Variants in IFFO1 observed in about 807,000 individuals in gnomAD.
The protein encoded by IFFO1 is intermediate filament family orphan 1, also known as non-homologous end joining factor IFFO1.
A neutral mutation model predicts 59.6 loss-of-function variants in IFFO1; 42 were observed. That is an observed-to-expected ratio of 0.70 (90% CI 0.55 to 0.91). The LOEUF is 0.91. Among genes scored for constraint, IFFO1 ranks in the 40% least tolerant of loss-of-function variants. The pLI, the probability that IFFO1 is intolerant of heterozygous loss-of-function variation, is 0.00. For synonymous variants in IFFO1, 336 were observed against 342.8 expected (o/e 0.98, Z 0.22); for missense variants, 711 against 793.2 (o/e 0.90, Z 1.24).
rs1947106592 is a variant in IFFO1, at chr12:6,548,952, G to A, written c.1081-103C>T. On this transcript the variant is annotated intron_variant, in intron 5 of 9. Coordinates refer to ENST00000619571, the MANE Select transcript of IFFO1 (RefSeq NM_001193457.2). The surrounding 1 kb of genome is among the most constrained non-coding windows in gnomAD (Gnocchi z 6.1). ...AAGCATGAACCAGTAGGAAGGGGGG[G>A]CAGACAGAGAGAAAAGTCACAGTTA... is the stretch of plus-strand genomic sequence containing the variant. 5 of 924,542 alleles carry A rather than the reference G, an allele frequency of 5.4e-6. No individual in the cohort carries two copies. Among genetic ancestry groups the A allele is most frequent in the Middle Eastern group, 2.2e-4 (1 of 4,568 alleles). 57.3% of individuals were successfully genotyped at this position (924,542 alleles called of 1,614,324 possible).
Position 6,540,390 on chromosome 12 carries a change from G to C in IFFO1, c.*93C>G. On this transcript the variant is annotated 3_prime_UTR_variant, in exon 10 of 10. Transcript: ENST00000619571. ...TCCCCAGGGACCGGCCTGGTGCAGA[G>C]CTGCAGCTGATGTTCCCCTCTGTGC... is the stretch of plus-strand genomic sequence containing the variant. 1.9e-6 allele frequency: 2 copies of C among 1,043,062 alleles called. No individual in the cohort carries two copies. Among genetic ancestry groups the C allele is most frequent in the Non-Finnish European group, 3.0e-6 (2 of 665,116 alleles). The allele number at this position is 1,043,062 out of a possible 1,614,324, so 64.6% of individuals were successfully genotyped here. A position where few individuals can be genotyped will look rare whatever the true frequency, so the allele number is the denominator to read the frequency against.
Position 6,555,688 on chromosome 12 carries a change from C to G in IFFO1, c.342G>C (p.Gln114His), listed in dbSNP as rs1249209644. ...CGCGACGACCCAGGCCCCGCCGGCC[C>G]TGCTTACCCTCCTCCAGCGCTTGCT... is the stretch of plus-strand genomic sequence containing the variant. ...QLQQALEEGK[Q>H]GRRGLGRRDQ... is the part of the protein sequence containing the mutation. Residue 114 changes from glutamine (Q) to histidine (H), a missense_variant, in exon 1 of 10, where the codon CAG becomes CAC. Physicochemically the swap from Gln to His is conservative, Grantham distance 24. Around this residue, in one of 3 missense-constraint regions of IFFO1, gnomAD observed 579 missense variants for 650.3 expected, o/e 0.89. Coordinates refer to ENST00000619571, the MANE Select transcript of IFFO1 (RefSeq NM_001193457.2). The surrounding 1 kb of genome is among the most constrained non-coding windows in gnomAD (Gnocchi z 8.6). The G allele has an allele frequency of 6.2e-7, 1 of 1,610,708 alleles. No individual in the cohort carries two copies. Among genetic ancestry groups the G allele is most frequent in the East Asian group, 2.2e-5 (1 of 44,654 alleles).
In IFFO1 at chr12:6,548,487, T is replaced by TCTC; in HGVS notation, c.1318_1320dup (p.Glu440dup). 1 of 1,613,644 alleles carries TCTC rather than the reference T, an allele frequency of 6.2e-7. No homozygotes were observed. Among genetic ancestry groups the TCTC allele is most frequent in the Non-Finnish European group, 8.5e-7 (1 of 1,179,838 alleles). On this transcript the variant is annotated inframe_insertion, in exon 7 of 10. Transcript: ENST00000619571. The surrounding 1 kb of genome is among the most constrained non-coding windows in gnomAD (Gnocchi z 6.1). ...GAGAAATCCTCCCAAAGCAGCAGGG[T>TCTC]CTCCTCAGTCTCCTCCCAAGTCAGG...
rs572065289 is a variant in IFFO1, at chr12:6,553,211, C to T, written c.773+2046G>A. On this transcript the variant is annotated intron_variant, in intron 1 of 9. Coordinates refer to ENST00000619571, the MANE Select transcript of IFFO1 (RefSeq NM_001193457.2). ...GTCACTGCCAGTATCACGCACCATC[C>T]GAATCCAGCTAAGGCTCTCTACACA... is the stretch of plus-strand genomic sequence containing the variant. 6.6e-5 allele frequency among the ~76,000 whole-genome samples: 10 copies of T among 152,236 alleles called. No individual in the cohort carries two copies. The South Asian group carries it at 1.0e-3, about 16-fold the overall frequency.
intron 3 of IFFO1, 136 bp downstream of exon 3, chr12:6,550,559 G>C (rs1004261507): frequency 4.7e-6 from 3 of 640,022 alleles, no homozygotes; most frequent in Non-Finnish European, 8.3e-6. Flanking sequence ...GGGGTGGCTA[G>C]GGGAAAAAGG....
chr12:6,552,624 G>T (rs1947279218), intron 1 of IFFO1, among the ~76,000 whole-genome samples: 1 of 152,200 alleles, frequency 6.6e-6, no homozygotes, highest in African/African-American at 2.4e-5. Flanking sequence ...AGCCTGTCAA[G>T]GGCACGCTAA....
intron 8 of IFFO1, among the ~76,000 whole-genome samples, chr12:6,544,346 T>C (rs1041465282): frequency 1.3e-5 from 2 of 151,988 alleles, no homozygotes; most frequent in Non-Finnish European, 2.9e-5. Context: ...TTTGTATTTT[T>C]AGTAGAGACG....
rs755139189 is a variant in IFFO1 at position 6,555,965 on chromosome 12, G to A, written c.65C>T (p.Pro22Leu). ...GTCGCCTCCCAGTGAGTCCCCCAGT[G>A]GCCCGGCCAGGCCCTGCTGCTCCTG... is the stretch of plus-strand genomic sequence containing the variant. ...LQQEQQGLAG[P>L]LGDSLGGDHF... Residue 22 changes from proline to leucine, a missense_variant, in exon 1 of 10, where the codon CCA becomes CTA. Coordinates refer to ENST00000619571, the MANE Select transcript of IFFO1 (RefSeq NM_001193457.2). This position sits in a 1 kb window ranked among gnomAD's most constrained non-coding sequence, Gnocchi z 8.6. 10 of 1,565,840 alleles carry A rather than the reference G, an allele frequency of 6.4e-6. No homozygotes were observed. The Admixed American group carries it at 7.2e-5, about 11-fold the overall frequency.
chr12:6,545,461 C>T lies in IFFO1; in HGVS notation c.1479+2604G>A, dbSNP rs367913455. Among the ~76,000 whole-genome samples, 9 of 152,130 alleles carry T rather than the reference C, an allele frequency of 5.9e-5. No homozygotes were observed. The East Asian group carries it at 7.8e-4, about 13-fold the overall frequency. On this transcript the variant is annotated intron_variant, in intron 8 of 9. Transcript: ENST00000619571. ...CTATAATCCCAGCACTTTGGGAGGCCGAGGTGGGCGGATCATGAGGTCAGG... is the reference window on the plus strand; with the variant it reads ...CTATAATCCCAGCACTTTGGGAGGCTGAGGTGGGCGGATCATGAGGTCAGG...
chr12:6,548,299 A>G lies in IFFO1; in HGVS notation c.1383+126T>C. On this transcript the variant is annotated intron_variant, in intron 7 of 9. Transcript: ENST00000619571. The surrounding 1 kb of genome is among the most constrained non-coding windows in gnomAD (Gnocchi z 6.1). ...AGAAAGAAAAGCAAAAGGATAAAGG[A>G]AGAGGGGAGACGCAGGTAGAGGATG... The G allele has an allele frequency of 7.7e-7, 1 of 1,300,908 alleles. No homozygotes were observed. Among genetic ancestry groups the G allele is most frequent in the Non-Finnish European group, 1.1e-6 (1 of 912,534 alleles). 80.6% of individuals were successfully genotyped at this position (1,300,908 alleles called of 1,614,324 possible).
chr12:6,541,037 AG>A lies in IFFO1; in HGVS notation c.1611-450del, dbSNP rs1414019553. 2.0e-5 allele frequency among the ~76,000 whole-genome samples: 3 copies of A among 150,544 alleles called. No homozygotes were observed. Among genetic ancestry groups the A allele is most frequent in the Non-Finnish European group, 3.0e-5 (2 of 67,584 alleles). On this transcript the variant is annotated intron_variant, in intron 9 of 9. Coordinates refer to ENST00000619571, the MANE Select transcript of IFFO1 (RefSeq NM_001193457.2). The surrounding 1 kb of genome is among the most constrained non-coding windows in gnomAD (Gnocchi z 4.8). ...GTAGTGAGCCAAAAAAAAAAAAAAA[AG>A]AAATAGCTGAAGTCACAGTAGGAGA...
intron 8 of IFFO1, chr12:6,543,501 A>T (rs1246611099): frequency 6.5e-6 from 1 of 153,492 alleles, no homozygotes; most frequent in Non-Finnish European, 1.4e-5. Context: ...CGAGGGATCT[A>T]GGCTGTGTGC....
At position 6,550,761 on chromosome 12, in the gene IFFO1, C is replaced by A. The variant is rs759231295; in HGVS notation, c.864G>T (p.Glu288Asp). 1 of 1,614,190 alleles carries A rather than the reference C, an allele frequency of 6.2e-7. No individual in the cohort carries two copies. Among genetic ancestry groups the A allele is most frequent in the Non-Finnish European group, 8.5e-7 (1 of 1,179,992 alleles). ...EEAQEADACQ[E>D]ELALKVEQLK... ...ACTGTTCCACCTTCAGTGCCAGCTC[C>A]TCCTGGCAGGCATCAGCCTCCTGGG... The change falls in exon 3 of 10, where the codon GAG (glutamate) becomes GAT (aspartate). Residue 288 changes from glutamate to aspartate, a missense_variant. Coordinates refer to ENST00000619571, the MANE Select transcript of IFFO1 (RefSeq NM_001193457.2).
intron 1 of IFFO1, 43 bp from the exon 2 acceptor site, chr12:6,551,044 C>A: frequency 6.3e-7 from 1 of 1,596,232 alleles, no homozygotes; most frequent in South Asian, 1.1e-5. Flanking sequence ...GGTACAGAGT[C>A]CTTCCCTGCC....
At chr12:6,552,935 T>C (rs1394225701) in intron 1 of IFFO1, among the ~76,000 whole-genome samples, 1 of 152,112 alleles carries the variant, frequency 6.6e-6, no homozygotes, top group African/African-American at 2.4e-5. Context: ...ATGGACCAAA[T>C]ATCTCTCTTC....
At position 6,548,681 on chromosome 12, in the gene IFFO1, T is replaced by C; in HGVS notation, c.1249A>G (p.Met417Val). Residue 417 changes from methionine (M) to valine (V), a missense_variant, in exon 6 of 10, where the codon ATG (methionine) becomes GTG (valine). By Grantham distance (21) the Met-to-Val change is conservative. This residue lies in a region of IFFO1 where 579 missense variants were observed against 650.3 expected (regional missense o/e 0.89). Transcript: ENST00000619571. The surrounding 1 kb of genome is among the most constrained non-coding windows in gnomAD (Gnocchi z 6.1). The stretch of plus-strand genomic sequence containing the variant: ...CTGCGGACTCACAGCTGGTTGAGCA[T>C]GCGCTGCATCTCCTCGTTGATGCTG... ...ALSINEEMQRMLNQLREYDFE... is the reference protein window; with the variant it reads ...ALSINEEMQRVLNQLREYDFE... The C allele has an allele frequency of 3.7e-6, 6 of 1,614,100 alleles. No individual in the cohort carries two copies. Among genetic ancestry groups the C allele is most frequent in the Non-Finnish European group, 3.4e-6 (4 of 1,180,016 alleles).
At chr12:6,547,615 G>A (rs527758988) in intron 8 of IFFO1, among the ~76,000 whole-genome samples, 2 of 152,174 alleles carry the variant, frequency 1.3e-5, no homozygotes, top group East Asian at 1.9e-4. Flanking sequence ...CAGCTACTCA[G>A]AAGGCTGGGG....
chr12:6,548,822 G>C lies in IFFO1; in HGVS notation c.1108C>G (p.Pro370Ala), dbSNP rs1158283388. The C allele has an allele frequency of 6.2e-7, 1 of 1,612,432 alleles. No individual in the cohort carries two copies. The highest frequency in any genetic ancestry group is 8.5e-7 in the Non-Finnish European group (1 of 1,179,440). ...TCCCGCTTCCGCCCCCCCATGGATGGGACCTTAATGGGAGACAAGTGCAGA... is the reference window on the plus strand; with the variant it reads ...TCCCGCTTCCGCCCCCCCATGGATGCGACCTTAATGGGAGACAAGTGCAGA... ...LSLHLSPIKVPSMGGRKRERK... is the reference protein window; with the variant it reads ...LSLHLSPIKVASMGGRKRERK... The change falls in exon 6 of 10, where the codon CCA (proline) becomes GCA (alanine). Residue 370 changes from proline (P) to alanine (A), a missense_variant. Coordinates refer to ENST00000619571, the MANE Select transcript of IFFO1 (RefSeq NM_001193457.2). This position sits in a 1 kb window ranked among gnomAD's most constrained non-coding sequence, Gnocchi z 6.1.
chr12:6,549,913 G>C lies in IFFO1; in HGVS notation c.931-17C>G. The C allele has an allele frequency of 6.2e-7, 1 of 1,610,082 alleles. No individual in the cohort carries two copies. Among genetic ancestry groups the C allele is most frequent in the Non-Finnish European group, 8.5e-7 (1 of 1,177,200 alleles). On this transcript the variant is annotated splice_polypyrimidine_tract_variant and intron_variant, in intron 3 of 9. Coordinates refer to ENST00000619571, the MANE Select transcript of IFFO1 (RefSeq NM_001193457.2). This position sits in a 1 kb window ranked among gnomAD's most constrained non-coding sequence, Gnocchi z 5.0. ...CGACAGGTTCTGTCCAGGGAGCCCA[G>C]GGAACAGTGAGGAGGCGCCCAGTTC...
Sources: gnomAD v4.1 joint callset for allele counts (sites outside exome capture counted in the v4.1 genomes callset) on GRCh38, gnomAD v4.1.1 for gene constraint, gnomAD v4.1.1 regional missense constraint, Gnocchi (gnomAD v3.1) non-coding constraint, MANE v1.5 for transcripts, NCBI Gene and HGNC (gene_info 2026-07-23, HGNC 2026-07-21) for gene names.